Variants in SMG6 observed in about 807,000 individuals in gnomAD.
SMG6 encodes SMG6 nonsense mediated mRNA decay factor.
SMG6 carries 66 observed loss-of-function variants against 142.2 expected under a neutral mutation model. That is an observed-to-expected ratio of 0.46 (90% CI 0.38 to 0.57). SMG6 has a LOEUF of 0.57. Ranked by LOEUF, SMG6 falls within the 20% of genes least tolerant of loss-of-function variation. The pLI, the probability that SMG6 is intolerant of heterozygous loss-of-function variation, is 0.00. For missense variants in SMG6, 1,793 were observed against 1,832.0 expected (o/e 0.98, Z 0.39); for synonymous variants, 779 against 702.4 (o/e 1.11, Z -1.72).
intron 8 of SMG6, chr17:2,280,614 C>T (rs2074764479): frequency 1.0e-6 from 1 of 984,474 alleles, no homozygotes; most frequent in Non-Finnish European, 1.2e-6. Flanking sequence ...AAAGCTCAAA[C>T]TCAAAGATTT....
intron 12 of SMG6, among the ~76,000 whole-genome samples, chr17:2,182,430 G>A (rs1242406103): frequency 6.6e-6 from 1 of 152,108 alleles, no homozygotes; most frequent in Non-Finnish European, 1.5e-5. Context: ...TGTGAGTGCC[G>A]CCCACACCGT....
intron 13 of SMG6, chr17:2,127,379 T>G (rs941618860): frequency 1.6e-6 from 1 of 627,626 alleles, no homozygotes; most frequent in African/African-American, 1.8e-5. Context: ...TAAGAAATGG[T>G]TGAAATGGTA....
At chr17:2,138,489 C>T (rs772637241) in intron 13 of SMG6, among the ~76,000 whole-genome samples, 25 of 152,182 alleles carry the variant, frequency 1.6e-4, no homozygotes, top group Non-Finnish European at 8.8e-5. Context: ...CGGAAGTCAG[C>T]CACCAGCCTG....
At chr17:2,248,163 C>G (rs1184701932) in intron 8 of SMG6, among the ~76,000 whole-genome samples, 1 of 152,042 alleles carries the variant, frequency 6.6e-6, no homozygotes, top group East Asian at 1.9e-4. Flanking sequence ...GCCTAAATAC[C>G]ATCCCCCAAG....
At chr17:2,164,282 G>A (rs981848483) in intron 13 of SMG6, among the ~76,000 whole-genome samples, 1 of 148,120 alleles carries the variant, frequency 6.8e-6, no homozygotes, top group African/African-American at 2.5e-5. Context: ...AATTAGCCGG[G>A]CATGGTGGCA....
intron 13 of SMG6, among the ~76,000 whole-genome samples, chr17:2,165,778 G>A (rs1270772010): frequency 2.6e-5 from 4 of 152,114 alleles, no homozygotes; most frequent in Admixed American, 2.6e-4. Flanking sequence ...GGTGACGCTT[G>A]CCTGTAGTCC....
At chr17:2,219,151 G>A (rs1177569093) in intron 10 of SMG6, among the ~76,000 whole-genome samples, 5 of 151,918 alleles carry the variant, frequency 3.3e-5, no homozygotes, top group African/African-American at 1.2e-4. Context: ...TTGGGAGGCG[G>A]AGGTGGGTGG....
chr17:2,299,272 G>A lies in SMG6; in HGVS notation c.1481C>T (p.Ala494Val). 1 of 1,614,094 alleles carries A rather than the reference G, an allele frequency of 6.2e-7. No individual in the cohort carries two copies. Among genetic ancestry groups the A allele is most frequent in the South Asian group, 1.1e-5 (1 of 91,082 alleles). Residue 494 changes from alanine to valine, a missense_variant, in exon 2 of 19, where the codon GCT becomes GTT. This residue lies in a region of SMG6 where 1,597 missense variants were observed against 1,584.6 expected (regional missense o/e 1.01). Coordinates refer to ENST00000263073, the MANE Select transcript of SMG6 (RefSeq NM_017575.5). This position sits in a 1 kb window ranked among gnomAD's most constrained non-coding sequence, Gnocchi z 4.3. ...SPTSWGDSRQ[A>V]QASYYKFQNS... The stretch of plus-strand genomic sequence containing the variant: ...TTGAAACTTATAGTAAGATGCCTGA[G>A]CCTGGCGTGAGTCACCCCAAGATGT...
intron 8 of SMG6, among the ~76,000 whole-genome samples, chr17:2,247,073 T>A (rs190501595): frequency 3.3e-5 from 5 of 152,216 alleles, no homozygotes; most frequent in Middle Eastern, 3.2e-3. Context: ...GATCTCTAGA[T>A]TTCCTAGTAG....
At chr17:2,189,723 C>T (rs1174625856) in intron 10 of SMG6, among the ~76,000 whole-genome samples, 1 of 152,150 alleles carries the variant, frequency 6.6e-6, no homozygotes, top group Non-Finnish European at 1.5e-5. Flanking sequence ...TGATTCCTTA[C>T]CATCTTTGCC....
chr17:2,142,223 C>G (rs1266817032), intron 13 of SMG6, among the ~76,000 whole-genome samples: 1 of 152,114 alleles, frequency 6.6e-6, no homozygotes, highest in Non-Finnish European at 1.5e-5. Flanking sequence ...ATAAAATAAA[C>G]CAGATTAATT....
At chr17:2,078,441 G>A (rs74599448) in intron 15 of SMG6, among the ~76,000 whole-genome samples, 20 of 149,802 alleles carry the variant, frequency 1.3e-4, no homozygotes, top group East Asian at 7.8e-4. Flanking sequence ...GCTCGATCTC[G>A]GCTCACTGCA....
chr17:2,196,646 A>G (rs1567675343), intron 10 of SMG6, among the ~76,000 whole-genome samples: 1 of 152,228 alleles, frequency 6.6e-6, no homozygotes. Flanking sequence ...GCTTATTCTA[A>G]AGCTTATCTG....
intron 10 of SMG6, among the ~76,000 whole-genome samples, chr17:2,207,854 C>G (rs891164491): frequency 6.6e-6 from 1 of 152,138 alleles, no homozygotes; most frequent in Non-Finnish European, 1.5e-5. Flanking sequence ...AGCACCAGTT[C>G]AACTTTATTT....
chr17:2,293,611 A>G (rs170045), intron 4 of SMG6, among the ~76,000 whole-genome samples: 86,937 of 151,830 alleles, frequency 0.57, 26,127 homozygotes, highest in East Asian at 0.75. Flanking sequence ...CTGGGATGAT[A>G]GGCATGCGCC....
chr17:2,101,190 G>A, intron 13 of SMG6: 1 of 152,150 alleles, frequency 6.6e-6, no homozygotes, highest in East Asian at 1.9e-4. Flanking sequence ...TTGAACTCCT[G>A]GACTCAAGTA....
intron 10 of SMG6, among the ~76,000 whole-genome samples, chr17:2,204,583 C>G (rs1001182437): frequency 2.6e-5 from 4 of 152,192 alleles, no homozygotes; most frequent in Admixed American, 2.0e-4. Context: ...AGTGAGAAAG[C>G]AGCAATGAAT....
At chr17:2,076,567 G>A (rs757673993) in intron 15 of SMG6, among the ~76,000 whole-genome samples, 45 of 152,186 alleles carry the variant, frequency 3.0e-4, no homozygotes, top group African/African-American at 8.0e-4. Context: ...GGCCTTCACC[G>A]GCCCTGTTTT....
rs556347138 is a variant in SMG6, at chr17:2,300,680, A to C, written c.89-16T>G. On this transcript the variant is annotated splice_polypyrimidine_tract_variant and intron_variant, in intron 1 of 18. Transcript: ENST00000263073. ...TTCATGTTTTCTGTTATGTCGGGGA[A>C]AGAGTTTGGGAGGGAAAGGTAGAAG... The C allele has an allele frequency of 6.4e-7, 1 of 1,554,044 alleles. No homozygotes were observed. The highest frequency in any genetic ancestry group is 8.7e-7 in the Non-Finnish European group (1 of 1,154,540).
Sources: allele counts gnomAD v4.1 joint callset (sites outside exome capture counted in the v4.1 genomes callset), GRCh38; gene constraint gnomAD v4.1.1; regional missense constraint gnomAD v4.1.1; non-coding constraint Gnocchi (gnomAD v3.1); transcripts MANE v1.5; gene names NCBI Gene and HGNC (gene_info 2026-07-23, HGNC 2026-07-21).